TIMP2: variants seen among roughly 807,000 people sequenced by gnomAD.
The protein encoded by TIMP2 is TIMP metallopeptidase inhibitor 2, also known as metalloproteinase inhibitor 2.
A neutral mutation model predicts 24.3 loss-of-function variants in TIMP2; 5 were observed. The ratio of observed to expected loss-of-function variants is 0.21; its 90% CI spans 0.11 to 0.43. The LOEUF is 0.43. Ranked by LOEUF, TIMP2 falls within the 20% of genes least tolerant of loss-of-function variation. TIMP2 has a pLI of 1.00. For missense variants in TIMP2, 221 were observed against 297.5 expected, an observed-to-expected ratio of 0.74 and a Z score of 1.89; for synonymous variants, 130 against 123.2, an observed-to-expected ratio of 1.06 and a Z score of -0.37.
chr17:78,906,550 T>C (rs1387237189), intron 1 of TIMP2, among the ~76,000 whole-genome samples: 1 of 152,098 alleles, frequency 6.6e-6, no homozygotes, highest in Non-Finnish European at 1.5e-5. Flanking sequence ...TGGGGTTGGC[T>C]GTGGCAATTT....
intron 1 of TIMP2, among the ~76,000 whole-genome samples, chr17:78,893,231 G>C (rs2069935592): frequency 6.8e-6 from 1 of 146,976 alleles, no homozygotes; most frequent in African/African-American, 2.6e-5. Flanking sequence ...AGGGGTGTGT[G>C]TGCATGTGTG....
In TIMP2 at chr17:78,891,115, T is replaced by C. The variant is rs920743813; in HGVS notation, c.131-17196A>G. ...GTCCAGATTCAGTGCTATACAATAA[T>C]GAGTCCTCTTTGTTGATAAATATAC... On this transcript the variant is annotated intron_variant, in intron 1 of 4. Transcript: ENST00000262768. This position sits in a 1 kb window ranked among gnomAD's most constrained non-coding sequence, Gnocchi z 4.5. 2.6e-6 allele frequency: 4 copies of C among 1,550,676 alleles called. No individual in the cohort carries two copies. The highest frequency in any genetic ancestry group is 8.7e-7 in the Non-Finnish European group (1 of 1,147,036).
chr17:78,887,693 G>C (rs2069836729), intron 1 of TIMP2, among the ~76,000 whole-genome samples: 1 of 144,334 alleles, frequency 6.9e-6, no homozygotes, highest in Non-Finnish European at 1.5e-5. Flanking sequence ...CCTCATATTT[G>C]TAAATTAAAT....
At chr17:78,901,208 G>C (rs1008002198) in intron 1 of TIMP2, 1 of 153,996 alleles carries the variant, frequency 6.5e-6, no homozygotes, top group Admixed American at 6.3e-5. Context: ...AGGAACCGAC[G>C]GGCAGACGTG....
Position 78,855,892 on chromosome 17 carries a change from G to C in TIMP2, c.466-28C>G, listed in dbSNP as rs1349249876. 1 of 1,612,228 alleles carries C rather than the reference G, an allele frequency of 6.2e-7. No homozygotes were observed. ...GGGGAGGGGCACACGGAGGGGGACG[G>C]AGTCAGGGACCCAGGAAGGGGTGGG... On this transcript the variant is annotated intron_variant, in intron 4 of 4. Transcript: ENST00000262768. This position sits in a 1 kb window ranked among gnomAD's most constrained non-coding sequence, Gnocchi z 6.0.
intron 3 of TIMP2, among the ~76,000 whole-genome samples, chr17:78,870,542 C>G (rs999733592): frequency 3.9e-5 from 6 of 152,126 alleles, no homozygotes; most frequent in African/African-American, 1.4e-4. Context: ...AAGCAGGTCT[C>G]GTGCATAGTA....
intron 1 of TIMP2, among the ~76,000 whole-genome samples, chr17:78,889,722 T>G (rs1043400125): frequency 2.0e-5 from 3 of 152,152 alleles, no homozygotes; most frequent in Non-Finnish European, 2.9e-5. Flanking sequence ...CATGATCGGC[T>G]CTGGGAGATG....
chr17:78,891,229 C>G lies in TIMP2; in HGVS notation c.131-17310G>C. ...TTTGGTTCTGGGCCTTGCCCATGAA[C>G]GTTTTCAAGTCGGTCTTGGACGCTG... is the stretch of plus-strand genomic sequence containing the variant. On this transcript the variant is annotated intron_variant, in intron 1 of 4. Transcript: ENST00000262768. The surrounding 1 kb of genome is among the most constrained non-coding windows in gnomAD (Gnocchi z 4.5). 1 of 1,550,668 alleles carries G rather than the reference C, an allele frequency of 6.4e-7. No individual in the cohort carries two copies. Among genetic ancestry groups the G allele is most frequent in the South Asian group, 1.2e-5 (1 of 84,064 alleles).
intron 1 of TIMP2, among the ~76,000 whole-genome samples, chr17:78,918,078 A>T (rs1371983705): frequency 6.7e-6 from 1 of 149,144 alleles, no homozygotes; most frequent in African/African-American, 2.5e-5. Context: ...ACACACACAC[A>T]CACACACACA....
At chr17:78,885,392 C>T (rs1428078562) in intron 1 of TIMP2, among the ~76,000 whole-genome samples, 1 of 152,226 alleles carries the variant, frequency 6.6e-6, no homozygotes, top group African/African-American at 2.4e-5. Flanking sequence ...GTGAACACGG[C>T]CACCACATCT....
At chr17:78,859,872 A>T (rs1420662430) in intron 3 of TIMP2, among the ~76,000 whole-genome samples, 1 of 151,770 alleles carries the variant, frequency 6.6e-6, no homozygotes, top group East Asian at 1.9e-4. Context: ...GGTACCTGTA[A>T]TCCCAGCTAC....
intron 1 of TIMP2, chr17:78,900,023 T>C (rs1469864544): frequency 1.3e-5 from 2 of 152,204 alleles, no homozygotes; most frequent in Non-Finnish European, 2.9e-5. Flanking sequence ...GGCGCCTACG[T>C]AGAATATGTA....
chr17:78,870,935 C>A lies in TIMP2; in HGVS notation c.303G>T (p.Ser101=). 1 of 1,613,394 alleles carries A rather than the reference C, an allele frequency of 6.2e-7. No individual in the cohort carries two copies. Among genetic ancestry groups the A allele is most frequent in the Non-Finnish European group, 8.5e-7 (1 of 1,179,730 alleles). The change falls in exon 3 of 5, where the codon TCG becomes TCT. Residue 101 remains serine (S), a synonymous_variant. Transcript: ENST00000262768. ...ATTCCTTCTTTCCTCCAACGTCCAG[C>A]GAGACCCCACACACTGCCGAGGAGG... The part of the protein sequence containing the change: ...TAPSSAVCGV[S]LDVGGKKEYL...
chr17:78,899,387 C>T (rs1027376814), intron 1 of TIMP2: 1 of 152,456 alleles, frequency 6.6e-6, no homozygotes, highest in Non-Finnish European at 1.5e-5. Context: ...ATGTGATTCC[C>T]TGCTGTCCAC....
chr17:78,892,685 G>A (rs768234778), intron 1 of TIMP2, among the ~76,000 whole-genome samples: 23 of 152,232 alleles, frequency 1.5e-4, no homozygotes, highest in Non-Finnish European at 2.2e-4. Flanking sequence ...ACAGAGTGTG[G>A]TGTTGTTTCC....
At position 78,891,121 on chromosome 17, in the gene TIMP2, C is replaced by A; in HGVS notation, c.131-17202G>T. 6.4e-7 allele frequency: 1 copy of A among 1,550,736 alleles called. No individual in the cohort carries two copies. Among genetic ancestry groups the A allele is most frequent in the Non-Finnish European group, 8.7e-7 (1 of 1,147,042 alleles). ...ATTCAGTGCTATACAATAATGAGTC[C>A]TCTTTGTTGATAAATATACCTGCCT... On this transcript the variant is annotated intron_variant, in intron 1 of 4. Coordinates refer to ENST00000262768, the MANE Select transcript of TIMP2 (RefSeq NM_003255.5). This position sits in a 1 kb window ranked among gnomAD's most constrained non-coding sequence, Gnocchi z 4.5.
At chr17:78,902,539 G>C (rs943850966) in intron 1 of TIMP2, 1 of 152,536 alleles carries the variant, frequency 6.6e-6, no homozygotes, top group Non-Finnish European at 1.5e-5. Flanking sequence ...GAATCTGTGT[G>C]TATCCATATC....
At chr17:78,908,027 T>C (rs2070176589) in intron 1 of TIMP2, among the ~76,000 whole-genome samples, 2 of 151,976 alleles carry the variant, frequency 1.3e-5, no homozygotes, top group Non-Finnish European at 2.9e-5. Context: ...CCCAGCTACT[T>C]GGGAGGCTGA....
intron 1 of TIMP2, among the ~76,000 whole-genome samples, chr17:78,911,783 C>T (rs1270302596): frequency 2.0e-5 from 3 of 151,638 alleles, no homozygotes; most frequent in African/African-American, 2.4e-5. Context: ...TGGTGGCTCA[C>T]GCCTATAATC....
Sources: gnomAD v4.1 joint callset for allele counts (sites outside exome capture counted in the v4.1 genomes callset) on GRCh38, gnomAD v4.1.1 for gene constraint, Gnocchi (gnomAD v3.1) non-coding constraint, MANE v1.5 for transcripts, NCBI Gene and HGNC (gene_info 2026-07-23, HGNC 2026-07-21) for gene names.